SESTD1: variants seen among roughly 807,000 people sequenced by gnomAD.
The protein encoded by SESTD1 is SEC14 domain and spectrin repeat-containing protein 1.
Under a neutral mutation model 101.7 loss-of-function variants are expected in SESTD1, and 43 were observed. The ratio of observed to expected loss-of-function variants is 0.42; its 90% confidence interval spans 0.33 to 0.55. SESTD1 has a LOEUF of 0.55. SESTD1 is among the 20% of genes least tolerant of loss of function. SESTD1 has a pLI of 0.07. For missense variants in SESTD1, 647 were observed against 815.1 expected, an observed-to-expected ratio of 0.79 and a Z score of 2.51; for synonymous variants, 283 against 286.8, an observed-to-expected ratio of 0.99 and a Z score of 0.13.
intron 1 of SESTD1, among the ~76,000 whole-genome samples, chr2:179,260,323 C>T (rs2047464382): frequency 6.6e-6 from 1 of 152,136 alleles, no homozygotes; most frequent in Non-Finnish European, 1.5e-5. Context: ...TGAGACCAGC[C>T]TTGGCAACAT....
rs114549079 is a variant in SESTD1, at chr2:179,194,960, C to T, written c.-25-3094G>A. 8.5e-3 allele frequency among the ~76,000 whole-genome samples: 1,293 copies of T among 152,304 alleles called. 10 individuals carry two copies. The highest frequency in any genetic ancestry group is 0.029 in the African/African-American group (1,205 of 41,560). ...AAACTACTTTCCCAACATTGCTGGA[C>T]ACAGCCTTCAAGTTCTTCAGTAATT... On this transcript the variant is annotated intron_variant, in intron 1 of 17. Coordinates refer to ENST00000428443, the MANE Select transcript of SESTD1 (RefSeq NM_178123.5).
intron 1 of SESTD1, among the ~76,000 whole-genome samples, chr2:179,262,295 G>C (rs1014541951): frequency 2.0e-5 from 3 of 152,130 alleles, no homozygotes; most frequent in African/African-American, 7.2e-5. Context: ...GCATAATTTT[G>C]TGAATATATT....
intron 9 of SESTD1, 113 bp from the exon 10 acceptor site, chr2:179,132,539 T>C (rs2045035244): frequency 8.2e-7 from 1 of 1,226,366 alleles, no homozygotes; most frequent in African/African-American, 1.6e-5. Flanking sequence ...ATGTAAATTA[T>C]TTACATTCTA....
At chr2:179,230,126 T>C (rs1277412060) in intron 1 of SESTD1, among the ~76,000 whole-genome samples, 7 of 45,514 alleles carry the variant, frequency 1.5e-4, no homozygotes, top group African/African-American at 7.9e-4. Flanking sequence ...TTTTTTTTTT[T>C]TTTTTTTTTT....
Position 179,230,113 on chromosome 2 carries a change from C to CTTTTTTTTTT in SESTD1, c.-26+34376_-26+34385dup, listed in dbSNP as rs71023474. 2.0e-3 allele frequency among the ~76,000 whole-genome samples: 112 copies of CTTTTTTTTTT among 56,416 alleles called. 39 individuals carry two copies. The highest frequency in any genetic ancestry group is 7.0e-3 in the East Asian group (8 of 1,138). 37.0% of individuals were successfully genotyped at this position (56,416 alleles called of 152,430 possible). A position where few individuals can be genotyped will look rare whatever the true frequency, so the allele number is the denominator to read the frequency against. On this transcript the variant is annotated intron_variant, in intron 1 of 17. Coordinates refer to ENST00000428443, the MANE Select transcript of SESTD1 (RefSeq NM_178123.5). ...AAATATTCCAAACTGGATTGTATCT[C>CTTTTTTTTTT]TTTTTTTTTTTTTTTTTTTTTTTTT...
intron 10 of SESTD1, among the ~76,000 whole-genome samples, chr2:179,128,002 G>A (rs2044916408): frequency 1.3e-5 from 2 of 152,220 alleles, no homozygotes; most frequent in Admixed American, 6.5e-5. Context: ...GAGAAAAGCA[G>A]TGAAGGATTA....
chr2:179,223,731 G>C (rs1306239069), intron 1 of SESTD1, among the ~76,000 whole-genome samples: 1 of 152,028 alleles, frequency 6.6e-6, no homozygotes, highest in Non-Finnish European at 1.5e-5. Context: ...GACAATAAAA[G>C]ACTAAATGGA....
chr2:179,226,149 T>C (rs1370341636), intron 1 of SESTD1, among the ~76,000 whole-genome samples: 2 of 152,212 alleles, frequency 1.3e-5, no homozygotes, highest in Non-Finnish European at 2.9e-5. Flanking sequence ...TTTTTCATTT[T>C]AGCAATATTT....
chr2:179,168,633 G>C (rs1305572308), intron 5 of SESTD1, among the ~76,000 whole-genome samples: 1 of 152,134 alleles, frequency 6.6e-6, no homozygotes, highest in Non-Finnish European at 1.5e-5. Flanking sequence ...TGCACTGCAA[G>C]ATACATTAAA....
intron 8 of SESTD1, 122 bp from the exon 9 acceptor site, chr2:179,143,925 T>A (rs897263400): frequency 1.0e-6 from 1 of 965,470 alleles, no homozygotes. Flanking sequence ...TACCAGGTTA[T>A]AAATGGAATT....
intron 6 of SESTD1, among the ~76,000 whole-genome samples, chr2:179,149,843 T>C (rs1451389116): frequency 2.6e-5 from 4 of 152,252 alleles, no homozygotes; most frequent in African/African-American, 9.6e-5. Context: ...ATAATTTTAA[T>C]GATTTCTTCA....
chr2:179,171,375 G>T (rs766999347), intron 5 of SESTD1, among the ~76,000 whole-genome samples: 1 of 151,774 alleles, frequency 6.6e-6, no homozygotes, highest in African/African-American at 2.4e-5. Context: ...TATTGACCTC[G>T]GTAAAAATAA....
At chr2:179,197,089 A>G (rs1201923184) in intron 1 of SESTD1, among the ~76,000 whole-genome samples, 10 of 152,190 alleles carry the variant, frequency 6.6e-5, no homozygotes, top group Admixed American at 6.5e-4. Context: ...TATAACTAGA[A>G]TAACCAATAC....
chr2:179,198,612 A>G (rs1246443890), intron 1 of SESTD1, among the ~76,000 whole-genome samples: 1 of 151,878 alleles, frequency 6.6e-6, no homozygotes, highest in African/African-American at 2.4e-5. Context: ...TATCTCTCAG[A>G]CCACAGTGCA....
chr2:179,163,931 C>G (rs1484276319), intron 5 of SESTD1, among the ~76,000 whole-genome samples: 1 of 152,112 alleles, frequency 6.6e-6, no homozygotes, highest in African/African-American at 2.4e-5. Context: ...AACTATAATA[C>G]TTATCCTTTC....
At chr2:179,143,495 G>A in intron 9 of SESTD1, 97 bp downstream of exon 9, 1 of 1,028,734 alleles carries the variant, frequency 9.7e-7, no homozygotes, top group East Asian at 2.5e-5. Flanking sequence ...GTGTTCTAAG[G>A]TTTTCTATAT....
chr2:179,107,604 TAAG>T lies in SESTD1; in HGVS notation c.*2292_*2294del, dbSNP rs1373291311. 2.0e-5 allele frequency: 3 copies of T among 152,132 alleles called. No individual in the cohort carries two copies. The highest frequency in any genetic ancestry group is 4.4e-5 in the Non-Finnish European group (3 of 68,006). 9.4% of individuals were successfully genotyped at this position (152,132 alleles called of 1,614,324 possible). A position where few individuals can be genotyped will look rare whatever the true frequency, so the allele number is the denominator to read the frequency against. On this transcript the variant is annotated 3_prime_UTR_variant, in exon 18 of 18. Coordinates refer to ENST00000428443, the MANE Select transcript of SESTD1 (RefSeq NM_178123.5). ...CTAAAGTAGTTAGTATCTAAGAATC[TAAG>T]AATAGATTCACTTGTAAGTCAGTTC...
At chr2:179,198,618 G>A (rs1322478076) in intron 1 of SESTD1, among the ~76,000 whole-genome samples, 3 of 151,718 alleles carry the variant, frequency 2.0e-5, no homozygotes, top group Admixed American at 6.6e-5. Context: ...TCAGACCACA[G>A]TGCAATCAAA....
rs111860197 is a variant in SESTD1 at position 179,229,303 on chromosome 2, G to A, written c.-26+35196C>T. Among the ~76,000 whole-genome samples the A allele has an allele frequency of 1.7e-3, 264 of 152,236 alleles. 1 individual carries two copies. Among genetic ancestry groups the A allele is most frequent in the African/African-American group, 6.1e-3 (252 of 41,546 alleles). ...TGTTAAGAGCCCAAACAGAACAAAA[G>A]GAGGGAAAAAGGCCGAATTCTCTCT... On this transcript the variant is annotated intron_variant, in intron 1 of 17. Coordinates refer to ENST00000428443, the MANE Select transcript of SESTD1 (RefSeq NM_178123.5).
Sources: allele counts gnomAD v4.1 joint callset (sites outside exome capture counted in the v4.1 genomes callset), GRCh38; gene constraint gnomAD v4.1.1; transcripts MANE v1.5; gene names NCBI Gene and HGNC (gene_info 2026-07-23, HGNC 2026-07-21).